The following ENOX1 variants were observed in gnomAD, a reference collection of about 807,000 sequenced individuals.
ENOX1 encodes the protein ecto-NOX disulfide-thiol exchanger 1, also known as candidate growth-related and time keeping constitutive hydroquinone (NADH) oxidase.
ENOX1 carries 42 observed loss-of-function variants against 82.5 expected under a neutral mutation model. The observed-to-expected ratio is 0.51, with a 90% CI of 0.40 to 0.66. The LOEUF is 0.66. ENOX1 is among the 30% of genes least tolerant of loss of function. The probability of loss-of-function intolerance (pLI) is 0.00; values close to 1 mark genes in which losing one functional copy is unlikely to be tolerated. For synonymous variants in ENOX1, 271 were observed against 282.2 expected (o/e 0.96, Z 0.40); for missense variants, 608 against 811.6 (o/e 0.75, Z 3.05).
At chr13:43,607,227 C>T (rs1214451118) in intron 2 of ENOX1, among the ~76,000 whole-genome samples, 1 of 151,990 alleles carries the variant, frequency 6.6e-6, no homozygotes, top group Non-Finnish European at 1.5e-5. Flanking sequence ...AATGTGTACA[C>T]TTGCTACGTA....
At chr13:43,289,144 C>T (rs956606039) in intron 12 of ENOX1, among the ~76,000 whole-genome samples, 2 of 152,014 alleles carry the variant, frequency 1.3e-5, no homozygotes, top group South Asian at 2.1e-4. Context: ...TTCATACTGC[C>T]AAAGGAATTT....
intron 2 of ENOX1, among the ~76,000 whole-genome samples, chr13:43,653,548 C>T (rs2084291391): frequency 6.6e-6 from 1 of 152,150 alleles, no homozygotes; most frequent in Admixed American, 6.5e-5. Context: ...TGTGAATTTG[C>T]ATGCATATTA....
intron 5 of ENOX1, among the ~76,000 whole-genome samples, chr13:43,377,092 C>T (rs964150143): frequency 6.6e-6 from 1 of 152,086 alleles, no homozygotes; most frequent in African/African-American, 2.4e-5. Context: ...TTTAATGTTG[C>T]CAAGCATTAA....
rs140599195 is a variant in ENOX1, at chr13:43,458,258, G to A, written c.-75+25751C>T. Reference sequence around the variant, plus strand: ...CTTCCATTTACTAAATAAACTCCCCGATAGGAAAATGGACATATTCTCTAT... The same window carrying A: ...CTTCCATTTACTAAATAAACTCCCCAATAGGAAAATGGACATATTCTCTAT... On this transcript the variant is annotated intron_variant, in intron 3 of 16. Coordinates refer to ENST00000690772, the MANE Select transcript of ENOX1 (RefSeq NM_001347969.2). 8.0e-4 allele frequency among the ~76,000 whole-genome samples: 122 copies of A among 152,038 alleles called. 1 individual carries two copies. The highest frequency in any genetic ancestry group is 2.5e-3 in the African/African-American group (104 of 41,444).
At chr13:43,687,355 G>C (rs1192848749) in intron 1 of ENOX1, among the ~76,000 whole-genome samples, 1 of 152,162 alleles carries the variant, frequency 6.6e-6, no homozygotes, top group South Asian at 2.1e-4. Flanking sequence ...TTGGACGGGG[G>C]AATGGATCAT....
chr13:43,562,643 G>A (rs1314717636), intron 2 of ENOX1, among the ~76,000 whole-genome samples: 1 of 152,066 alleles, frequency 6.6e-6, no homozygotes. Context: ...TCCACTGCCT[G>A]CAAGAAACAT....
At chr13:43,443,630 T>G (rs143134932) in intron 3 of ENOX1, among the ~76,000 whole-genome samples, 1 of 152,116 alleles carries the variant, frequency 6.6e-6, no homozygotes, top group Non-Finnish European at 1.5e-5. Context: ...CTGATTATAA[T>G]GTACTTGAGA....
intron 14 of ENOX1, among the ~76,000 whole-genome samples, chr13:43,243,303 C>T (rs182861311): frequency 1.5e-4 from 23 of 152,254 alleles, no homozygotes; most frequent in Admixed American, 5.9e-4. Flanking sequence ...CACTTGCTGG[C>T]GCTCAAACCC....
At chr13:43,310,215 A>G (rs1219772889) in intron 11 of ENOX1, among the ~76,000 whole-genome samples, 1 of 151,018 alleles carries the variant, frequency 6.6e-6, no homozygotes, top group Non-Finnish European at 1.5e-5. Context: ...AAAAAAAAAA[A>G]AAAAAAAAAG....
chr13:43,445,467 G>A (rs1175535280), intron 3 of ENOX1, among the ~76,000 whole-genome samples: 1 of 151,744 alleles, frequency 6.6e-6, no homozygotes, highest in African/African-American at 2.4e-5. Flanking sequence ...AAAAGCCACT[G>A]CAATAACAAC....
intron 10 of ENOX1, among the ~76,000 whole-genome samples, chr13:43,325,175 A>G (rs1566516309): frequency 6.6e-6 from 1 of 152,144 alleles, no homozygotes; most frequent in Non-Finnish European, 1.5e-5. Context: ...AACATCAGGT[A>G]AGCACCCTTC....
Position 43,625,300 on chromosome 13 carries a change from G to A in ENOX1, c.-219+42179C>T, listed in dbSNP as rs1037931563. On this transcript the variant is annotated intron_variant, in intron 2 of 16. Transcript: ENST00000690772. ...TTCTATATACACAATCATGCCATCT[G>A]CAGATAAAAACTTTTTTTCTTCTTT... Among the ~76,000 whole-genome samples the A allele has an allele frequency of 1.3e-3, 193 of 151,872 alleles. 2 individuals are homozygous for A. The highest frequency in any genetic ancestry group is 4.3e-3 in the African/African-American group (180 of 41,424).
At chr13:43,480,482 A>G (rs1639599952) in intron 3 of ENOX1, among the ~76,000 whole-genome samples, 1 of 152,214 alleles carries the variant, frequency 6.6e-6, no homozygotes, top group Admixed American at 6.5e-5. Context: ...AAATGGGCTT[A>G]TCTCTCCCAA....
intron 3 of ENOX1, among the ~76,000 whole-genome samples, chr13:43,438,936 A>G (rs2056194878): frequency 6.6e-6 from 1 of 151,942 alleles, no homozygotes; most frequent in Non-Finnish European, 1.5e-5. Flanking sequence ...GAAGGGAAGG[A>G]GAGGGCTTCT....
intron 1 of ENOX1, among the ~76,000 whole-genome samples, chr13:43,771,826 G>C (rs192109139): frequency 6.6e-6 from 1 of 150,878 alleles, no homozygotes; most frequent in Non-Finnish European, 1.5e-5. Context: ...GTGCAGTGGC[G>C]CCATCTTGGC....
intron 2 of ENOX1, among the ~76,000 whole-genome samples, chr13:43,497,792 G>A (rs1016679106): frequency 6.6e-6 from 1 of 151,968 alleles, no homozygotes; most frequent in African/African-American, 2.4e-5. Context: ...TCCCGTCTTT[G>A]TTTAAGACTG....
intron 1 of ENOX1, among the ~76,000 whole-genome samples, chr13:43,725,563 T>A (rs538717153): frequency 4.7e-4 from 71 of 152,246 alleles, no homozygotes; most frequent in African/African-American, 1.7e-3. Context: ...TCGACTCCTG[T>A]GTCAAATTTA....
At chr13:43,249,388 A>ATG (rs529991504) in intron 14 of ENOX1, among the ~76,000 whole-genome samples, 249 of 152,330 alleles carry the variant, frequency 1.6e-3, no homozygotes, top group South Asian at 4.8e-3. Context: ...AAGTACTAAC[A>ATG]TGAAAAATCT....
At chr13:43,393,038 T>C (rs750355819) in intron 5 of ENOX1, among the ~76,000 whole-genome samples, 7 of 152,224 alleles carry the variant, frequency 4.6e-5, no homozygotes, top group Non-Finnish European at 7.3e-5. Context: ...GGCATAGCTC[T>C]GTGGGCATTT....
Sources: allele counts gnomAD v4.1 joint callset (sites outside exome capture counted in the v4.1 genomes callset), GRCh38; gene constraint gnomAD v4.1.1; transcripts MANE v1.5; gene names NCBI Gene and HGNC (gene_info 2026-07-23, HGNC 2026-07-21).